The following GRID2 variants were observed in gnomAD, a reference collection of about 807,000 sequenced individuals.
The protein encoded by GRID2 is glutamate receptor ionotropic, delta-2.
In GRID2, 33 loss-of-function variants were observed where a neutral mutation model predicts 114.8. That is an observed-to-expected ratio of 0.29 (90% CI 0.22 to 0.38). The LOEUF is 0.38. GRID2 is among the 10% of genes least tolerant of loss of function. GRID2 has a pLI of 1.00. For synonymous variants in GRID2, 505 were observed against 449.9 expected, an observed-to-expected ratio of 1.12 and a Z score of -1.55; for missense variants, 1,184 against 1,257.7, an observed-to-expected ratio of 0.94 and a Z score of 0.89.
intron 14 of GRID2, among the ~76,000 whole-genome samples, chr4:93,755,667 A>T (rs1308703900): frequency 6.6e-6 from 1 of 152,228 alleles, no homozygotes; most frequent in African/African-American, 2.4e-5. Flanking sequence ...TAAAAATAAA[A>T]TGCTATACAT....
At chr4:92,471,001 A>G (rs972839788) in intron 1 of GRID2, among the ~76,000 whole-genome samples, 1 of 152,006 alleles carries the variant, frequency 6.6e-6, no homozygotes, top group Non-Finnish European at 1.5e-5. Context: ...GTTGTGTAGT[A>G]TATTGTAACA....
chr4:93,469,990 A>G (rs1413660336), intron 11 of GRID2, among the ~76,000 whole-genome samples: 2 of 152,152 alleles, frequency 1.3e-5, no homozygotes, highest in African/African-American at 4.8e-5. Context: ...AATGTTCACT[A>G]TGATGTTCAT....
intron 14 of GRID2, among the ~76,000 whole-genome samples, chr4:93,674,440 G>T (rs1347982416): frequency 6.6e-6 from 1 of 151,990 alleles, no homozygotes; most frequent in East Asian, 1.9e-4. Flanking sequence ...TAAAAATAAT[G>T]GGCACTAAAT....
chr4:92,680,871 T>G (rs1032517836), intron 2 of GRID2, among the ~76,000 whole-genome samples: 1 of 152,112 alleles, frequency 6.6e-6, no homozygotes. Context: ...TGTGCCAGAA[T>G]TACTTAGGTG....
At chr4:93,761,959 T>C (rs1029343223) in intron 14 of GRID2, among the ~76,000 whole-genome samples, 3 of 152,214 alleles carry the variant, frequency 2.0e-5, no homozygotes, top group Admixed American at 6.5e-5. Flanking sequence ...CTATGCTTAA[T>C]TGTTTAAATC....
chr4:93,646,269 G>A (rs1722103015), intron 14 of GRID2, among the ~76,000 whole-genome samples: 1 of 150,800 alleles, frequency 6.6e-6, no homozygotes, highest in Non-Finnish European at 1.5e-5. Context: ...ATGGGGGTGG[G>A]ACACAGAAGA....
chr4:92,536,410 C>T (rs767483249), intron 1 of GRID2, among the ~76,000 whole-genome samples: 12 of 152,130 alleles, frequency 7.9e-5, no homozygotes, highest in Admixed American at 1.3e-4. Flanking sequence ...GAAACCCAGC[C>T]GGCTTCACCT....
At chr4:93,115,202 C>A (rs1446275707) in intron 4 of GRID2, among the ~76,000 whole-genome samples, 1 of 151,050 alleles carries the variant, frequency 6.6e-6, no homozygotes, top group African/African-American at 2.4e-5. Context: ...TTTATTTCTA[C>A]CTCCAGTTAT....
chr4:92,593,558 G>A (rs1267650368), intron 2 of GRID2, among the ~76,000 whole-genome samples: 1 of 151,930 alleles, frequency 6.6e-6, no homozygotes, highest in African/African-American at 2.4e-5. Flanking sequence ...AGATACCTCA[G>A]TTATAACACG....
chr4:92,980,680 C>T (rs904476434), intron 2 of GRID2, among the ~76,000 whole-genome samples: 2 of 151,656 alleles, frequency 1.3e-5, no homozygotes, highest in African/African-American at 4.8e-5. Flanking sequence ...ATGTCAAACT[C>T]CTAGAAAAAT....
At chr4:92,620,378 T>G (rs1419645312) in intron 2 of GRID2, among the ~76,000 whole-genome samples, 1 of 151,716 alleles carries the variant, frequency 6.6e-6, no homozygotes, top group African/African-American at 2.4e-5. Flanking sequence ...TCAGGATAGT[T>G]ATTATCAGAA....
chr4:93,110,248 T>A (rs1732641187), intron 3 of GRID2, among the ~76,000 whole-genome samples: 1 of 152,172 alleles, frequency 6.6e-6, no homozygotes, highest in African/African-American at 2.4e-5. Flanking sequence ...GAAGATAACC[T>A]TTTGAAACTT....
intron 2 of GRID2, among the ~76,000 whole-genome samples, chr4:92,598,377 C>G (rs1458025551): frequency 2.6e-5 from 4 of 152,068 alleles, no homozygotes; most frequent in Non-Finnish European, 1.5e-5. Context: ...ATGTGTACCT[C>G]TCTTCTTTTT....
At chr4:93,342,163 A>G (rs952592353) in intron 8 of GRID2, among the ~76,000 whole-genome samples, 2 of 152,020 alleles carry the variant, frequency 1.3e-5, no homozygotes, top group African/African-American at 2.4e-5. Flanking sequence ...ATAAAGTCCA[A>G]CTCCTTACCA....
At position 92,669,766 on chromosome 4, in the gene GRID2, T is replaced by C. The variant is rs75616553; in HGVS notation, c.244+79480T>C. On this transcript the variant is annotated intron_variant, in intron 2 of 15. Coordinates refer to ENST00000282020, the MANE Select transcript of GRID2 (RefSeq NM_001510.4). ...AATTTTACTTATGATAGAGAAATTA[T>C]ATACCATTTGGAAATTTTATTTAAT... Among the ~76,000 whole-genome samples, 1,278 of 152,152 alleles carry C rather than the reference T, an allele frequency of 8.4e-3. 19 individuals carry two copies. The highest frequency in any genetic ancestry group is 0.029 in the African/African-American group (1,211 of 41,538).
intron 10 of GRID2, among the ~76,000 whole-genome samples, chr4:93,429,730 A>G (rs1371227826): frequency 6.6e-6 from 1 of 152,196 alleles, no homozygotes; most frequent in Non-Finnish European, 1.5e-5. Flanking sequence ...CTGTAAAATT[A>G]GGATAAAGTA....
intron 2 of GRID2, among the ~76,000 whole-genome samples, chr4:92,608,728 G>A (rs975488832): frequency 3.3e-5 from 5 of 151,588 alleles, no homozygotes; most frequent in African/African-American, 1.2e-4. Flanking sequence ...ATAGTTTATG[G>A]TTACTATTTT....
chr4:93,653,368 C>A (rs142949676), intron 14 of GRID2, among the ~76,000 whole-genome samples: 1 of 152,282 alleles, frequency 6.6e-6, no homozygotes, highest in Non-Finnish European at 1.5e-5. Flanking sequence ...CCTAAGGCAC[C>A]TGCCAACTCC....
chr4:93,087,394 T>C (rs1336726059), intron 3 of GRID2, among the ~76,000 whole-genome samples: 1 of 152,126 alleles, frequency 6.6e-6, no homozygotes, highest in Non-Finnish European at 1.5e-5. Context: ...TAAATGACCA[T>C]GAAGAAAGAA....
Sources: allele counts gnomAD v4.1 joint callset (sites outside exome capture counted in the v4.1 genomes callset), GRCh38; gene constraint gnomAD v4.1.1; transcripts MANE v1.5; gene names NCBI Gene and HGNC (gene_info 2026-07-23, HGNC 2026-07-21).